The following ROR1 variants were observed in gnomAD, a reference collection of about 807,000 sequenced individuals.
The protein encoded by ROR1 is inactive tyrosine-protein kinase transmembrane receptor ROR1.
Under a neutral mutation model 78.8 loss-of-function variants are expected in ROR1, and 19 were observed. The observed-to-expected ratio is 0.24, with a 90% confidence interval of 0.17 to 0.35. The LOEUF is 0.35. ROR1 is among the 10% of genes least tolerant of loss of function. ROR1 has a pLI of 1.00. For missense variants in ROR1, 917 were observed against 1,177.8 expected (o/e 0.78, Z 3.24); for synonymous variants, 386 against 433.6 (o/e 0.89, Z 1.36).
At chr1:63,917,559 G>A (rs758824233) in intron 1 of ROR1, among the ~76,000 whole-genome samples, 2 of 152,112 alleles carry the variant, frequency 1.3e-5, no homozygotes, top group African/African-American at 2.4e-5. Flanking sequence ...AATCAGATTT[G>A]TATGATCTAT....
At chr1:64,077,270 G>T (rs891864126) in intron 4 of ROR1, among the ~76,000 whole-genome samples, 1 of 152,188 alleles carries the variant, frequency 6.6e-6, no homozygotes, top group African/African-American at 2.4e-5. Flanking sequence ...TGGCTCTTTG[G>T]CTCTGATCAC....
chr1:64,138,723 A>G (rs1649206201), intron 5 of ROR1, among the ~76,000 whole-genome samples: 1 of 152,068 alleles, frequency 6.6e-6, no homozygotes, highest in South Asian at 2.1e-4. Flanking sequence ...GGTAGTTGCC[A>G]TTTTCTGAAG....
At chr1:63,869,212 C>T (rs750993422) in intron 1 of ROR1, among the ~76,000 whole-genome samples, 4 of 152,204 alleles carry the variant, frequency 2.6e-5, no homozygotes, top group Non-Finnish European at 2.9e-5. Flanking sequence ...CAGGATGTCC[C>T]TAATATGCAT....
chr1:63,972,877 C>T (rs1646129802), intron 1 of ROR1, among the ~76,000 whole-genome samples: 1 of 152,222 alleles, frequency 6.6e-6, no homozygotes, highest in Non-Finnish European at 1.5e-5. Flanking sequence ...TCTTTATAGT[C>T]AATGTTGCCA....
Position 63,848,544 on chromosome 1 carries a change from C to A in ROR1, c.91+74036C>A, listed in dbSNP as rs190992886. On this transcript the variant is annotated intron_variant, in intron 1 of 8. Transcript: ENST00000371079. ...TTAATAACATAAGGAAACTAAAAAA[C>A]ACCTAATTTATTTCAGATAGTGGAG... Among the ~76,000 whole-genome samples the A allele has an allele frequency of 8.8e-4, 134 of 152,182 alleles. 2 individuals carry two copies. The highest frequency in any genetic ancestry group is 1.4e-3 in the Non-Finnish European group (97 of 67,990).
intron 4 of ROR1, among the ~76,000 whole-genome samples, chr1:64,097,014 T>A (rs747343053): frequency 1.3e-5 from 2 of 152,134 alleles, no homozygotes; most frequent in Non-Finnish European, 2.9e-5. Flanking sequence ...GGTACAGTCT[T>A]ATGGGTGGTA....
At chr1:63,784,947 G>A (rs1242680947) in intron 1 of ROR1, among the ~76,000 whole-genome samples, 2 of 152,154 alleles carry the variant, frequency 1.3e-5, no homozygotes, top group African/African-American at 4.8e-5. Flanking sequence ...TCTCTGACAC[G>A]GACTTTCTTA....
chr1:63,965,779 A>G (rs1166329503), intron 1 of ROR1, among the ~76,000 whole-genome samples: 1 of 152,172 alleles, frequency 6.6e-6, no homozygotes, highest in African/African-American at 2.4e-5. Flanking sequence ...TTTGGAGACT[A>G]TTTAGTTTCA....
chr1:64,032,852 CAA>C (rs1185375762), intron 2 of ROR1, among the ~76,000 whole-genome samples: 1 of 152,128 alleles, frequency 6.6e-6, no homozygotes, highest in African/African-American at 2.4e-5. Context: ...AGAAAATAAA[CAA>C]GAGACTTTTT....
At chr1:64,106,779 G>A (rs1647833777) in intron 4 of ROR1, 1 of 152,140 alleles carries the variant, frequency 6.6e-6, no homozygotes, top group African/African-American at 2.4e-5. Flanking sequence ...CATATGCTGA[G>A]CCAGCTTTGC....
rs141050981 is a variant in ROR1, at chr1:63,888,568, C to G, written c.91+114060C>G. Among the ~76,000 whole-genome samples the G allele has an allele frequency of 1.2e-3, 181 of 152,040 alleles. 1 individual carries two copies. The highest frequency in any genetic ancestry group is 2.1e-3 in the South Asian group (10 of 4,804). The stretch of plus-strand genomic sequence containing the variant: ...AGCTCAGGAGATCAAGACTGCAGTG[C>G]GCTATAATTGTACCACTGCACTCCA... On this transcript the variant is annotated intron_variant, in intron 1 of 8. Coordinates refer to ENST00000371079, the MANE Select transcript of ROR1 (RefSeq NM_005012.4).
Position 64,063,654 on chromosome 1 carries a change from C to A in ROR1, c.482+12938C>A, listed in dbSNP as rs1297453531. ...TCTCTCTCTCTCTCTCCCATACACA[C>A]ACAAACACACTCATTCACACAGTCA... On this transcript the variant is annotated intron_variant, in intron 4 of 8. Transcript: ENST00000371079. Among the ~76,000 whole-genome samples the A allele has an allele frequency of 2.0e-5, 3 of 152,080 alleles. No homozygotes were observed. The East Asian group carries it at 5.8e-4, about 29-fold the overall frequency.
At position 63,909,889 on chromosome 1, in the gene ROR1, G is replaced by C. The variant is rs535228884; in HGVS notation, c.92-99416G>C. Among the ~76,000 whole-genome samples, 5 of 152,184 alleles carry C rather than the reference G, an allele frequency of 3.3e-5. No individual in the cohort carries two copies. In the South Asian group the frequency reaches 1.0e-3, roughly 32 times the overall value. ...TGAACAATCTTTTGAGTTGTTTGGC[G>C]TGCTGCAAAAAATATGGTCTGTTCT... is the stretch of plus-strand genomic sequence containing the variant. On this transcript the variant is annotated intron_variant, in intron 1 of 8. Transcript: ENST00000371079.
intron 1 of ROR1, among the ~76,000 whole-genome samples, chr1:63,904,694 T>C (rs960887492): frequency 3.3e-5 from 5 of 152,168 alleles, no homozygotes; most frequent in Non-Finnish European, 5.9e-5. Context: ...CTAATCCTAT[T>C]TGACTGTTGT....
intron 4 of ROR1, among the ~76,000 whole-genome samples, chr1:64,121,059 C>CTTTTTTTTTTTTTTT (rs200292093): frequency 2.4e-5 from 2 of 82,026 alleles, no homozygotes; most frequent in African/African-American, 6.4e-5. Flanking sequence ...GGAGATACCC[C>CTTTTTTTTTTTTTTT]TTTTTTTTTT....
At chr1:63,777,454 A>C (rs1644624519) in intron 1 of ROR1, among the ~76,000 whole-genome samples, 1 of 152,222 alleles carries the variant, frequency 6.6e-6, no homozygotes, top group Non-Finnish European at 1.5e-5. Context: ...GGGGAGCCGA[A>C]CCAAGGTGGG....
chr1:64,166,902 A>G (rs1650103641), intron 8 of ROR1, among the ~76,000 whole-genome samples: 1 of 152,232 alleles, frequency 6.6e-6, no homozygotes, highest in Non-Finnish European at 1.5e-5. Flanking sequence ...TACTTCTGGG[A>G]AAAACAAGTC....
chr1:63,919,387 G>A (rs1334832551), intron 1 of ROR1, among the ~76,000 whole-genome samples: 1 of 151,134 alleles, frequency 6.6e-6, no homozygotes, highest in Non-Finnish European at 1.5e-5. Context: ...TTTTGTCCTT[G>A]ACATTTTATG....
At chr1:64,143,014 A>G in intron 7 of ROR1, 1 of 1,098,854 alleles carries the variant, frequency 9.1e-7, no homozygotes, top group Non-Finnish European at 1.1e-6. Flanking sequence ...GAATATTGGA[A>G]GCAGGAAGAA....
Sources: allele counts gnomAD v4.1 joint callset (sites outside exome capture counted in the v4.1 genomes callset), GRCh38; gene constraint gnomAD v4.1.1; transcripts MANE v1.5; gene names NCBI Gene and HGNC (gene_info 2026-07-23, HGNC 2026-07-21).